Variants in WWOX observed in about 807,000 individuals in gnomAD.
WWOX encodes WW domain-containing oxidoreductase.
Under a neutral mutation model 46.2 loss-of-function variants are expected in WWOX, and 69 were observed. The ratio of observed to expected loss-of-function variants is 1.49; its 90% CI spans 1.23 to 1.82. WWOX has a LOEUF of 1.82. Ranked by LOEUF, WWOX falls within the 40% of genes most tolerant of loss-of-function variation. The pLI is 0.00. For missense variants in WWOX, 919 were observed against 542.6 expected, an observed-to-expected ratio of 1.69 and a Z score of -6.89; for synonymous variants, 359 against 202.6, an observed-to-expected ratio of 1.77 and a Z score of -6.56.
At chr16:78,124,977 T>C (rs2033298297) in intron 4 of WWOX, among the ~76,000 whole-genome samples, 1 of 152,180 alleles carries the variant, frequency 6.6e-6, no homozygotes, top group Non-Finnish European at 1.5e-5. Flanking sequence ...AAGCCTTTTG[T>C]ATGAAGTTTA....
chr16:78,694,337 T>C (rs1237077780), intron 8 of WWOX, among the ~76,000 whole-genome samples: 1 of 152,222 alleles, frequency 6.6e-6, no homozygotes, highest in Non-Finnish European at 1.5e-5. Context: ...GACCATGGTC[T>C]TTACTGCTTC....
intron 5 of WWOX, among the ~76,000 whole-genome samples, chr16:78,357,092 C>A (rs1233734829): frequency 6.6e-6 from 1 of 152,186 alleles, no homozygotes; most frequent in Admixed American, 6.5e-5. Flanking sequence ...GGCCAGGAGA[C>A]ACCAGGCATA....
chr16:78,780,664 G>T (rs2050302979), intron 8 of WWOX, among the ~76,000 whole-genome samples: 1 of 152,116 alleles, frequency 6.6e-6, no homozygotes, highest in Admixed American at 6.6e-5. Context: ...CAAAAACAGT[G>T]CAAGCGCTGC....
chr16:79,207,389 A>G (rs1202756833), intron 8 of WWOX, among the ~76,000 whole-genome samples: 1 of 152,228 alleles, frequency 6.6e-6, no homozygotes. Flanking sequence ...CTGGGACGTT[A>G]GTCATGGGAA....
chr16:79,077,388 T>TA (rs1194895810), intron 8 of WWOX: 3 of 152,150 alleles, frequency 2.0e-5, no homozygotes, highest in African/African-American at 2.4e-5. Context: ...ATGTGTGGAT[T>TA]AAAAAACCAC....
chr16:78,217,607 C>G (rs1335572047), intron 5 of WWOX, among the ~76,000 whole-genome samples: 1 of 152,098 alleles, frequency 6.6e-6, no homozygotes, highest in East Asian at 1.9e-4. Context: ...GACCGAGAAA[C>G]TTAACAGAGG....
chr16:79,053,246 A>G (rs1258916173), intron 8 of WWOX, among the ~76,000 whole-genome samples: 1 of 152,152 alleles, frequency 6.6e-6, no homozygotes, highest in Non-Finnish European at 1.5e-5. Context: ...ACGTAATTAC[A>G]AAGTCTTTGC....
intron 4 of WWOX, among the ~76,000 whole-genome samples, chr16:78,120,136 A>G (rs1317231053): frequency 6.6e-6 from 1 of 152,150 alleles, no homozygotes; most frequent in Admixed American, 6.5e-5. Context: ...TATGTCACAA[A>G]ATCACCTCTC....
intron 8 of WWOX, among the ~76,000 whole-genome samples, chr16:78,520,197 C>T (rs1325077852): frequency 6.6e-6 from 1 of 152,152 alleles, no homozygotes; most frequent in Non-Finnish European, 1.5e-5. Context: ...CATAGGATTG[C>T]CAGGCTGGAC....
chr16:78,866,205 C>T (rs1005851711), intron 8 of WWOX, among the ~76,000 whole-genome samples: 1 of 152,124 alleles, frequency 6.6e-6, no homozygotes, highest in Admixed American at 6.6e-5. Flanking sequence ...AAGAATCCTT[C>T]TGCCAGTCTC....
intron 5 of WWOX, among the ~76,000 whole-genome samples, chr16:78,342,159 G>C (rs2081027646): frequency 8.2e-6 from 1 of 121,470 alleles, no homozygotes; most frequent in East Asian, 1.9e-4. Context: ...AAAAAGGAAG[G>C]CTGAATGCTT....
In WWOX at chr16:78,596,577, C is replaced by T. The variant is rs550668983; in HGVS notation, c.1056+163825C>T. Among the ~76,000 whole-genome samples the T allele has an allele frequency of 5.9e-5, 9 of 152,196 alleles. No individual in the cohort carries two copies. In the South Asian group the frequency reaches 1.9e-3, roughly 32 times the overall value. ...CAAGACTGGGGACAGGACAGGTGTG[C>T]AAGGACCAGCCAGCTGAGGTAGAGG... On this transcript the variant is annotated intron_variant, in intron 8 of 8. Coordinates refer to ENST00000566780, the MANE Select transcript of WWOX (RefSeq NM_016373.4).
At chr16:78,854,799 G>A (rs1340965671) in intron 8 of WWOX, among the ~76,000 whole-genome samples, 1 of 151,994 alleles carries the variant, frequency 6.6e-6, no homozygotes, top group African/African-American at 2.4e-5. Context: ...CCAGGCTGGT[G>A]TTGAACCCCC....
intron 8 of WWOX, chr16:79,110,824 G>A (rs892825596): frequency 6.6e-6 from 1 of 152,218 alleles, no homozygotes; most frequent in African/African-American, 2.4e-5. Context: ...TCAGCTGGGT[G>A]TTGGGCAAGT....
At chr16:78,697,660 C>A (rs145205648) in intron 8 of WWOX, among the ~76,000 whole-genome samples, 1 of 152,114 alleles carries the variant, frequency 6.6e-6, no homozygotes, top group African/African-American at 2.4e-5. Context: ...TGCTCAACAT[C>A]ACTAATGATC....
chr16:78,781,924 C>G lies in WWOX; in HGVS notation c.1056+349172C>G, dbSNP rs73575603. ...CAGGTCTTTACATGTAAAAACAACC[C>G]TGTAAAATAAATAACATTATTCTCT... On this transcript the variant is annotated intron_variant, in intron 8 of 8. Coordinates refer to ENST00000566780, the MANE Select transcript of WWOX (RefSeq NM_016373.4). Among the ~76,000 whole-genome samples, 341 of 152,302 alleles carry G rather than the reference C, an allele frequency of 2.2e-3. 2 individuals carry two copies. The highest frequency in any genetic ancestry group is 8.0e-3 in the African/African-American group (332 of 41,558).
chr16:79,114,922 C>T (rs1339799435), intron 8 of WWOX, among the ~76,000 whole-genome samples: 2 of 152,244 alleles, frequency 1.3e-5, no homozygotes, highest in South Asian at 2.1e-4. Flanking sequence ...AGGCAGGAGC[C>T]GGGGCTGCAG....
intron 8 of WWOX, among the ~76,000 whole-genome samples, chr16:78,675,125 T>A (rs2047561233): frequency 6.6e-6 from 1 of 152,212 alleles, no homozygotes. Context: ...GATCGGATCC[T>A]CATATTGGAT....
Position 79,136,657 on chromosome 16 carries a change from G to T in WWOX, c.1057-74951G>T, listed in dbSNP as rs910442133. ...GGTCAGTGCATGGATTCCAGAGACA[G>T]GGTGGGCACCAGTTCCTCACCGGGT... On this transcript the variant is annotated intron_variant, in intron 8 of 8. Transcript: ENST00000566780. 9.2e-5 allele frequency among the ~76,000 whole-genome samples: 14 copies of T among 152,312 alleles called. No homozygotes were observed. The East Asian group carries it at 2.5e-3, about 27-fold the overall frequency.
Sources: gnomAD v4.1 joint callset for allele counts (sites outside exome capture counted in the v4.1 genomes callset) on GRCh38, gnomAD v4.1.1 for gene constraint, MANE v1.5 for transcripts, NCBI Gene and HGNC (gene_info 2026-07-23, HGNC 2026-07-21) for gene names.